Variants in TSHR observed in about 807,000 individuals in gnomAD.
The protein encoded by TSHR is thyrotropin receptor.
Under a neutral mutation model 64.1 loss-of-function variants are expected in TSHR, and 51 were observed. That is an observed-to-expected ratio of 0.80 (90% CI 0.64 to 1.01). The LOEUF (loss-of-function observed/expected upper bound fraction) is 1.01, where lower values mean the gene tolerates loss of function less well. TSHR is among the 50% of genes least tolerant of loss of function. The probability of loss-of-function intolerance (pLI) is 0.00; values close to 1 mark genes in which losing one functional copy is unlikely to be tolerated. For missense variants in TSHR, 877 were observed against 942.8 expected, an observed-to-expected ratio of 0.93 and a Z score of 0.91; for synonymous variants, 361 against 361.9, an observed-to-expected ratio of 1.00 and a Z score of 0.03.
At chr14:81,061,031 C>T (rs539447625) in intron 1 of TSHR, among the ~76,000 whole-genome samples, 5 of 152,088 alleles carry the variant, frequency 3.3e-5, no homozygotes, top group African/African-American at 4.8e-5. Flanking sequence ...AAAGTCACAC[C>T]TTTAAGGTGC....
intron 1 of TSHR, among the ~76,000 whole-genome samples, chr14:81,017,853 G>A (rs1208699822): frequency 7.5e-6 from 1 of 133,960 alleles, no homozygotes; most frequent in East Asian, 2.1e-4. Flanking sequence ...TTTTTGAAAT[G>A]GAGTGTCACT....
At position 81,144,304 on chromosome 14, in the gene TSHR, C is replaced by T. The variant is rs1467036197; in HGVS notation, c.2246C>T (p.Pro749Leu). The T allele has an allele frequency of 1.2e-6, 2 of 1,614,046 alleles. No individual in the cohort carries two copies. Among genetic ancestry groups the T allele is most frequent in the Non-Finnish European group, 1.7e-6 (2 of 1,180,038 alleles). The change falls in exon 10 of 10, where the codon CCA (proline) becomes CTA (leucine). Residue 749 changes from proline to leucine, a missense_variant. By Grantham distance (98) the Pro-to-Leu change is moderately conservative. Coordinates refer to ENST00000298171, the MANE Select transcript of TSHR (RefSeq NM_000369.5). Reference protein sequence around the residue: ...YELIENSHLTPKKQGQISEEY... With the variant: ...YELIENSHLTLKKQGQISEEY... ...CTGATTGAAAACTCCCATCTAACCC[C>T]AAAGAAGCAAGGCCAAATCTCAGAA... is the stretch of plus-strand genomic sequence containing the variant.
chr14:81,033,839 T>C (rs1483346112), intron 1 of TSHR, among the ~76,000 whole-genome samples: 6 of 152,256 alleles, frequency 3.9e-5, no homozygotes, highest in Non-Finnish European at 1.5e-5. Flanking sequence ...GCATGCCTGC[T>C]GTGGGTAATC....
At chr14:81,039,287 A>C (rs1460629696) in intron 1 of TSHR, among the ~76,000 whole-genome samples, 1 of 151,948 alleles carries the variant, frequency 6.6e-6, no homozygotes, top group Non-Finnish European at 1.5e-5. Context: ...TAAAATTTAA[A>C]ATTCCTTCAG....
chr14:80,982,937 G>T, intron 1 of TSHR: 1 of 531,724 alleles, frequency 1.9e-6, no homozygotes, highest in Non-Finnish European at 3.4e-6. Flanking sequence ...AAAATGGAAT[G>T]CTATGTGGAC....
intron 7 of TSHR, among the ~76,000 whole-genome samples, chr14:81,100,372 G>A (rs946959305): frequency 1.3e-5 from 2 of 152,218 alleles, no homozygotes; most frequent in East Asian, 3.9e-4. Flanking sequence ...AAAAAATCAA[G>A]GTGTTTTTCT....
intron 1 of TSHR, among the ~76,000 whole-genome samples, chr14:80,964,226 C>A (rs1434405876): frequency 2.6e-5 from 4 of 152,144 alleles, no homozygotes. Flanking sequence ...ACAATCAGAT[C>A]AGTTTTGATG....
intron 1 of TSHR, among the ~76,000 whole-genome samples, chr14:80,990,127 A>C (rs932091636): frequency 6.6e-6 from 1 of 152,256 alleles, no homozygotes; most frequent in Admixed American, 6.5e-5. Flanking sequence ...TTTTAGCCAG[A>C]GTTCCCTGGA....
At chr14:81,057,041 A>G (rs549755193) in intron 1 of TSHR, among the ~76,000 whole-genome samples, 2 of 152,206 alleles carry the variant, frequency 1.3e-5, no homozygotes, top group East Asian at 3.8e-4. Flanking sequence ...TTTAAATCCT[A>G]TGCTTGCTGT....
chr14:81,133,782 C>T (rs910567055), intron 8 of TSHR, among the ~76,000 whole-genome samples: 12 of 151,916 alleles, frequency 7.9e-5, no homozygotes, highest in East Asian at 5.8e-4. Flanking sequence ...ACACAAATGG[C>T]GGGGAAATGA....
chr14:81,028,605 T>C (rs984129120), intron 1 of TSHR, among the ~76,000 whole-genome samples: 1 of 152,040 alleles, frequency 6.6e-6, no homozygotes, highest in Non-Finnish European at 1.5e-5. Context: ...ATTACGGTAA[T>C]ATAAGATTGC....
chr14:81,142,368 G>A (rs1287074664), intron 9 of TSHR, among the ~76,000 whole-genome samples: 1 of 151,468 alleles, frequency 6.6e-6, no homozygotes, highest in Non-Finnish European at 1.5e-5. Flanking sequence ...CACTACAGGT[G>A]TGAGCCAGCA....
At chr14:81,004,808 A>G (rs1365331635) in intron 1 of TSHR, among the ~76,000 whole-genome samples, 2 of 152,190 alleles carry the variant, frequency 1.3e-5, no homozygotes, top group Non-Finnish European at 2.9e-5. Context: ...TTCATGGTTT[A>G]TTTAAACAAG....
At chr14:81,072,623 G>A (rs1486452949) in intron 3 of TSHR, among the ~76,000 whole-genome samples, 2 of 152,022 alleles carry the variant, frequency 1.3e-5, no homozygotes, top group Non-Finnish European at 2.9e-5. Context: ...TACATTAACT[G>A]CATTAAATGT....
intron 1 of TSHR, among the ~76,000 whole-genome samples, chr14:81,021,537 G>C (rs1032691063): frequency 6.6e-6 from 1 of 152,188 alleles, no homozygotes; most frequent in Non-Finnish European, 1.5e-5. Flanking sequence ...GAAAGAAGGA[G>C]AGCAAGGTGA....
At chr14:81,109,080 A>G in intron 8 of TSHR, 3 of 896,164 alleles carry the variant, frequency 3.3e-6, no homozygotes, top group Non-Finnish European at 4.3e-6. Flanking sequence ...CTCAGTTTAG[A>G]ATCTCATCAT....
intron 1 of TSHR, among the ~76,000 whole-genome samples, chr14:81,021,259 G>A (rs1883735211): frequency 6.6e-6 from 1 of 152,020 alleles, no homozygotes; most frequent in Non-Finnish European, 1.5e-5. Flanking sequence ...CCTTGGCTGA[G>A]GAGTCCCTGA....
intron 1 of TSHR, among the ~76,000 whole-genome samples, chr14:81,060,108 T>C (rs7147357): frequency 0.43 from 65,247 of 151,964 alleles, 18,507 homozygotes; most frequent in African/African-American, 0.82. Flanking sequence ...CTTTTGAACA[T>C]GGGCTAAACT....
intron 9 of TSHR, among the ~76,000 whole-genome samples, chr14:81,141,744 A>C (rs1891696791): frequency 6.6e-6 from 1 of 152,198 alleles, no homozygotes; most frequent in African/African-American, 2.4e-5. Context: ...CCCTGTATCT[A>C]CTAAAAATAC....
Sources: allele counts gnomAD v4.1 joint callset (sites outside exome capture counted in the v4.1 genomes callset), GRCh38; gene constraint gnomAD v4.1.1; transcripts MANE v1.5; gene names NCBI Gene and HGNC (gene_info 2026-07-23, HGNC 2026-07-21).